The following KIFC1 variants were observed in gnomAD, a reference collection of about 807,000 sequenced individuals.
KIFC1 encodes the protein kinesin family member C1.
A neutral mutation model predicts 66.6 loss-of-function variants in KIFC1; 37 were observed. That is an observed-to-expected ratio of 0.56 (90% CI 0.43 to 0.73). KIFC1 has a LOEUF of 0.73. Ranked by LOEUF, KIFC1 falls within the 30% of genes least tolerant of loss-of-function variation. The probability of loss-of-function intolerance (pLI) is 0.00; values close to 1 mark genes in which losing one functional copy is unlikely to be tolerated. For synonymous variants in KIFC1, 325 were observed against 343.5 expected (o/e 0.95, Z 0.60); for missense variants, 721 against 859.8 (o/e 0.84, Z 2.02).
Position 33,403,994 on chromosome 6 carries a change from GA to G in KIFC1, c.623del (p.Asn208ThrfsTer13). On this transcript the variant is annotated frameshift_variant, in exon 6 of 11. Coordinates refer to ENST00000428849, the MANE Select transcript of KIFC1 (RefSeq NM_002263.4). LOFTEE classifies it high-confidence loss of function. This position sits in a 1 kb window ranked among gnomAD's most constrained non-coding sequence, Gnocchi z 4.6. ...QAEQGQQELK[N>X]LRACVLELEE... Reference sequence around the variant, plus strand: ...CTGAGCAGGGCCAACAGGAGCTGAAGAACTTGCGTGCTTGTGTCCTGGAGCT... The same window carrying G: ...CTGAGCAGGGCCAACAGGAGCTGAAGACTTGCGTGCTTGTGTCCTGGAGCT... 6.2e-7 allele frequency: 1 copy of G among 1,614,268 alleles called. No individual in the cohort carries two copies. Among genetic ancestry groups the G allele is most frequent in the Non-Finnish European group, 8.5e-7 (1 of 1,180,048 alleles).
At position 33,401,379 on chromosome 6, in the gene KIFC1, C is replaced by T. The variant is rs1203186976; in HGVS notation, c.251-1935C>T. Among the ~76,000 whole-genome samples the T allele has an allele frequency of 2.0e-5, 3 of 152,100 alleles. No homozygotes were observed. The highest frequency in any genetic ancestry group is 7.2e-5 in the African/African-American group (3 of 41,392). On this transcript the variant is annotated intron_variant, in intron 3 of 10. Coordinates refer to ENST00000428849, the MANE Select transcript of KIFC1 (RefSeq NM_002263.4). The surrounding 1 kb of genome is among the most constrained non-coding windows in gnomAD (Gnocchi z 4.5). ...TCGATCTCCTGACCTCGTGATCCGC[C>T]CGCCTCAGCCTCCCAAAGTGCTGGG...
intron 1 of KIFC1, among the ~76,000 whole-genome samples, chr6:33,396,377 T>A (rs1433305689): frequency 6.6e-6 from 1 of 152,020 alleles, no homozygotes; most frequent in Non-Finnish European, 1.5e-5. Flanking sequence ...AAAACAACTC[T>A]TCAGGTACTC....
intron 3 of KIFC1, among the ~76,000 whole-genome samples, chr6:33,402,960 C>T (rs1341745294): frequency 6.6e-6 from 1 of 152,176 alleles, no homozygotes; most frequent in East Asian, 1.9e-4. Flanking sequence ...GCACTTCAGC[C>T]TGGACAACAA....
rs778937464 is a variant in KIFC1 at position 33,406,201 on chromosome 6, C to T, written c.1542C>T (p.Asp514=). The T allele has an allele frequency of 2.3e-5, 37 of 1,602,378 alleles. No individual in the cohort carries two copies. In the Middle Eastern group the frequency reaches 5.0e-4, roughly 22 times the overall value. ...YVPVSCEKEV[D]ALLHLARQNR... Reference sequence around the variant, plus strand: ...CCTTCTGCTCCCATCCCCAGGTGGACGCCCTGCTTCATCTGGCCCGCCAGA... The same window carrying T: ...CCTTCTGCTCCCATCCCCAGGTGGATGCCCTGCTTCATCTGGCCCGCCAGA... The change falls in exon 8 of 11, where the codon GAC becomes GAT. Residue 514 remains aspartate, a synonymous_variant. Coordinates refer to ENST00000428849, the MANE Select transcript of KIFC1 (RefSeq NM_002263.4). This position sits in a 1 kb window ranked among gnomAD's most constrained non-coding sequence, Gnocchi z 4.5.
Position 33,406,322 on chromosome 6 carries a change from C to T in KIFC1, c.1663C>T (p.Leu555=). ...QISGEHSSRG[L]QCGAPLSLVD... is the part of the protein sequence containing the mutation. ...TTCTGGGGAGCACTCCAGCCGAGGCCTGCAGTGTGGGGCCCCCCTCAGTCT... is the reference window on the plus strand; with the variant it reads ...TTCTGGGGAGCACTCCAGCCGAGGCTTGCAGTGTGGGGCCCCCCTCAGTCT... Residue 555 remains leucine (L), a synonymous_variant, in exon 8 of 11, where the codon CTG becomes TTG. Coordinates refer to ENST00000428849, the MANE Select transcript of KIFC1 (RefSeq NM_002263.4). The surrounding 1 kb of genome is among the most constrained non-coding windows in gnomAD (Gnocchi z 4.5). The T allele has an allele frequency of 6.2e-7, 1 of 1,614,246 alleles. No individual in the cohort carries two copies. Among genetic ancestry groups the T allele is most frequent in the Non-Finnish European group, 8.5e-7 (1 of 1,180,044 alleles).
intron 1 of KIFC1, among the ~76,000 whole-genome samples, chr6:33,395,691 A>G (rs973338116): frequency 6.6e-6 from 1 of 152,202 alleles, no homozygotes; most frequent in Non-Finnish European, 1.5e-5. Context: ...CATAAATTCC[A>G]AGGAGGTAGG....
intron 1 of KIFC1, among the ~76,000 whole-genome samples, chr6:33,392,568 C>A (rs1428881828): frequency 6.6e-6 from 1 of 152,206 alleles, no homozygotes; most frequent in East Asian, 1.9e-4. Context: ...TGATTTAGTT[C>A]TTTCTCTTAA....
Position 33,409,710 on chromosome 6 carries a change from T to TG in KIFC1, c.*21dup. On this transcript the variant is annotated 3_prime_UTR_variant, in exon 11 of 11. Coordinates refer to ENST00000428849, the MANE Select transcript of KIFC1 (RefSeq NM_002263.4). ...AAGTGAAGACGGATCCAGATCTGTGTGTGTGTGTGTGTGTGTGTGTGTGTG... is the reference window on the plus strand; with the variant it reads ...AAGTGAAGACGGATCCAGATCTGTGTGGTGTGTGTGTGTGTGTGTGTGTGTG... 2.2e-6 allele frequency: 1 copy of TG among 454,942 alleles called. No homozygotes were observed. Among genetic ancestry groups the TG allele is most frequent in the Non-Finnish European group, 3.4e-6 (1 of 294,092 alleles). The allele number at this position is 454,942 out of a possible 1,614,324, so 28.2% of individuals were successfully genotyped here. A position where few individuals can be genotyped will look rare whatever the true frequency, so the allele number is the denominator to read the frequency against.
intron 3 of KIFC1, among the ~76,000 whole-genome samples, chr6:33,402,063 T>C (rs1775401074): frequency 6.6e-6 from 1 of 152,080 alleles, no homozygotes; most frequent in Non-Finnish European, 1.5e-5. Context: ...TTTTTGCAAA[T>C]AGAAGGAGTA....
intron 3 of KIFC1, among the ~76,000 whole-genome samples, chr6:33,402,018 GA>G (rs1337554574): frequency 1.3e-5 from 2 of 152,096 alleles, no homozygotes; most frequent in African/African-American, 4.8e-5. Context: ...AATGCCTTTT[GA>G]ATGACATGCC....
At chr6:33,396,990 T>TTC (rs1775082219) in intron 1 of KIFC1, among the ~76,000 whole-genome samples, 1 of 130,942 alleles carries the variant, frequency 7.6e-6, no homozygotes, top group Non-Finnish European at 1.6e-5. Flanking sequence ...CCAAGTTCTT[T>TTC]TTTTTTTTTT....
intron 1 of KIFC1, among the ~76,000 whole-genome samples, chr6:33,397,578 A>C (rs1350752614): frequency 6.6e-6 from 1 of 152,158 alleles, no homozygotes; most frequent in African/African-American, 2.4e-5. Flanking sequence ...TTACAGGCAT[A>C]AGCCACTGCA....
At chr6:33,397,863 T>C (rs211457) in intron 1 of KIFC1, among the ~76,000 whole-genome samples, 166 bp from the exon 2 acceptor site, 141,516 of 152,236 alleles carry the variant, frequency 0.93, 65,899 homozygotes, top group East Asian at 1. Flanking sequence ...TTTTAGGTTA[T>C]GTCCTCACTT....
intron 1 of KIFC1, among the ~76,000 whole-genome samples, chr6:33,394,915 G>A (rs183699470): frequency 6.6e-6 from 1 of 152,192 alleles, no homozygotes; most frequent in Non-Finnish European, 1.5e-5. Flanking sequence ...TATAGATAGA[G>A]AATGCTGTTA....
chr6:33,409,781 G>GT lies in KIFC1; in HGVS notation c.*92dup, dbSNP rs1562844192. 7.4e-7 allele frequency: 1 copy of GT among 1,347,232 alleles called. No individual in the cohort carries two copies. Among genetic ancestry groups the GT allele is most frequent in the East Asian group, 2.3e-5 (1 of 42,900 alleles). 83.5% of individuals were successfully genotyped at this position (1,347,232 alleles called of 1,614,324 possible). On this transcript the variant is annotated 3_prime_UTR_variant, in exon 11 of 11. Transcript: ENST00000428849. ...CCTATGTCTATGTATCGGGTGAGGG[G>GT]TGGGAGGGTTGCTGGAGGGTGCTTT...
rs1253329883 is a variant in KIFC1, at chr6:33,391,827, T to C, written c.-159T>C. On this transcript the variant is annotated 5_prime_UTR_variant, in exon 1 of 11. Transcript: ENST00000428849. ...TGAGAGTGGGTGGTGGCCGTTGGAA[T>C]TCAAAAGTGGCGGGTGTGGCGCGGG... The C allele has an allele frequency of 9.2e-6, 8 of 865,222 alleles. No individual in the cohort carries two copies. 53.6% of individuals were successfully genotyped at this position (865,222 alleles called of 1,614,324 possible). A position where few individuals can be genotyped will look rare whatever the true frequency, so the allele number is the denominator to read the frequency against.
At chr6:33,399,510 G>A (rs1288799340) in intron 3 of KIFC1, among the ~76,000 whole-genome samples, 2 of 152,164 alleles carry the variant, frequency 1.3e-5, no homozygotes, top group Non-Finnish European at 2.9e-5. Flanking sequence ...AAACATCATA[G>A]AATGTACTTA....
At position 33,404,157 on chromosome 6, in the gene KIFC1, AGC is replaced by A. The variant is rs1260167529; in HGVS notation, c.756+29_756+30del. 6.3e-7 allele frequency: 1 copy of A among 1,579,668 alleles called. No individual in the cohort carries two copies. Among genetic ancestry groups the A allele is most frequent in the Admixed American group, 1.8e-5 (1 of 57,082 alleles). ...AAGGGCCAGATTTTCACCAGATGTCAGCCCCGCTTTCCTGGCAGAGGTCATGC... is the reference window on the plus strand; with the variant it reads ...AAGGGCCAGATTTTCACCAGATGTCACCCGCTTTCCTGGCAGAGGTCATGC... On this transcript the variant is annotated intron_variant, in intron 6 of 10. Coordinates refer to ENST00000428849, the MANE Select transcript of KIFC1 (RefSeq NM_002263.4). This position sits in a 1 kb window ranked among gnomAD's most constrained non-coding sequence, Gnocchi z 4.0.
At chr6:33,395,310 A>G (rs1014150779) in intron 1 of KIFC1, among the ~76,000 whole-genome samples, 19 of 152,186 alleles carry the variant, frequency 1.2e-4, no homozygotes, top group African/African-American at 4.1e-4. Context: ...TGGTATGCCA[A>G]TTGGAGTGAT....
Sources: allele counts gnomAD v4.1 joint callset (sites outside exome capture counted in the v4.1 genomes callset), GRCh38; gene constraint gnomAD v4.1.1; non-coding constraint Gnocchi (gnomAD v3.1); transcripts MANE v1.5; gene names NCBI Gene and HGNC (gene_info 2026-07-23, HGNC 2026-07-21).